The following NELL1 variants were observed in gnomAD, a reference collection of about 807,000 sequenced individuals.
NELL1 encodes the protein neural EGFL like 1.
A neutral mutation model predicts 107.4 loss-of-function variants in NELL1; 76 were observed. That is an observed-to-expected ratio of 0.71 (90% CI 0.59 to 0.86). The LOEUF (loss-of-function observed/expected upper bound fraction) is 0.86. NELL1 is among the 40% of genes least tolerant of loss of function. The pLI, the probability that NELL1 is intolerant of heterozygous loss-of-function variation, is 0.00. For missense variants in NELL1, 1,024 were observed against 1,005.5 expected, an observed-to-expected ratio of 1.02 and a Z score of -0.25; for synonymous variants, 353 against 341.2, an observed-to-expected ratio of 1.03 and a Z score of -0.38.
chr11:21,244,374 T>C (rs573890501), intron 14 of NELL1, among the ~76,000 whole-genome samples: 2 of 152,108 alleles, frequency 1.3e-5, no homozygotes, highest in African/African-American at 4.8e-5. Context: ...GAAGAGCCCA[T>C]GCATTCTTGA....
intron 17 of NELL1, among the ~76,000 whole-genome samples, chr11:21,570,371 G>T (rs1459735064): frequency 6.6e-6 from 1 of 151,790 alleles, no homozygotes; most frequent in African/African-American, 2.4e-5. Context: ...ATAGTTAGAT[G>T]AATGTATTTG....
chr11:21,514,466 A>G (rs936403398), intron 15 of NELL1, among the ~76,000 whole-genome samples: 2 of 152,346 alleles, frequency 1.3e-5, no homozygotes, highest in Admixed American at 1.3e-4. Flanking sequence ...TGAGCCAGAT[A>G]TGGACTGCTC....
intron 10 of NELL1, among the ~76,000 whole-genome samples, chr11:20,940,059 G>A (rs891245779): frequency 1.3e-5 from 2 of 152,100 alleles, no homozygotes; most frequent in African/African-American, 4.8e-5. Flanking sequence ...GCTTGACATG[G>A]CTGGCTATCA....
chr11:20,692,528 T>G (rs1190406991), intron 2 of NELL1, among the ~76,000 whole-genome samples: 5 of 151,198 alleles, frequency 3.3e-5, no homozygotes, highest in Non-Finnish European at 7.4e-5. Flanking sequence ...TATTTCTGCC[T>G]TCATTTCCTT....
chr11:21,556,699 A>C (rs1856718846), intron 16 of NELL1, among the ~76,000 whole-genome samples: 1 of 151,994 alleles, frequency 6.6e-6, no homozygotes, highest in Non-Finnish European at 1.5e-5. Flanking sequence ...AGAAATTGTG[A>C]AAATGTTAAT....
chr11:20,818,859 A>C (rs570618548), intron 3 of NELL1, among the ~76,000 whole-genome samples: 1 of 152,238 alleles, frequency 6.6e-6, no homozygotes, highest in Non-Finnish European at 1.5e-5. Context: ...AGCTCTTCAA[A>C]TCATGTCATA....
intron 14 of NELL1, among the ~76,000 whole-genome samples, chr11:21,277,691 C>G (rs184923956): frequency 4.6e-5 from 7 of 152,258 alleles, no homozygotes; most frequent in African/African-American, 1.7e-4. Flanking sequence ...AAATGTGGCA[C>G]GTATATACCA....
At chr11:21,385,004 G>A (rs772108164) in intron 15 of NELL1, among the ~76,000 whole-genome samples, 2 of 151,634 alleles carry the variant, frequency 1.3e-5, no homozygotes, top group Non-Finnish European at 2.9e-5. Context: ...TGTTTGCTTG[G>A]AATGTTCTTC....
chr11:21,171,375 T>G (rs2133812701), intron 13 of NELL1, among the ~76,000 whole-genome samples: 1 of 152,012 alleles, frequency 6.6e-6, no homozygotes, highest in Non-Finnish European at 1.5e-5. Flanking sequence ...AAATAATAAT[T>G]GTTAACATTT....
chr11:21,545,420 G>C (rs542427197), intron 16 of NELL1, among the ~76,000 whole-genome samples: 1 of 152,076 alleles, frequency 6.6e-6, no homozygotes, highest in South Asian at 2.1e-4. Context: ...GAAGACATGG[G>C]TTGGGGACTT....
At chr11:20,751,055 G>A (rs188638876) in intron 2 of NELL1, among the ~76,000 whole-genome samples, 5,229 of 152,038 alleles carry the variant, frequency 0.034, 290 homozygotes, top group African/African-American at 0.12. Context: ...GTGTGTGTGT[G>A]TATATATGAA....
Position 21,169,874 on chromosome 11 carries a change from C to A in NELL1, c.1426+56160C>A. 6 of 1,416,906 alleles carry A rather than the reference C, an allele frequency of 4.2e-6. No individual in the cohort carries two copies. The South Asian group carries it at 7.0e-5, about 17-fold the overall frequency. 87.8% of individuals were successfully genotyped at this position (1,416,906 alleles called of 1,614,324 possible). On this transcript the variant is annotated intron_variant, in intron 13 of 19. Coordinates refer to ENST00000357134, the MANE Select transcript of NELL1 (RefSeq NM_006157.5). The stretch of plus-strand genomic sequence containing the variant: ...GTCCCCCCAGGAAGAGTTGCCATGT[C>A]ACCCAGCACTGGCAGATGTCCCCAG...
At chr11:21,286,183 G>T (rs2133953542) in intron 14 of NELL1, among the ~76,000 whole-genome samples, 1 of 152,274 alleles carries the variant, frequency 6.6e-6, no homozygotes, top group South Asian at 2.1e-4. Flanking sequence ...TCCTAATTGG[G>T]CATAAAGTCA....
intron 12 of NELL1, among the ~76,000 whole-genome samples, chr11:21,088,966 G>C (rs1055249921): frequency 2.0e-5 from 3 of 152,132 alleles, no homozygotes; most frequent in South Asian, 4.1e-4. Flanking sequence ...TTTAAGAGAG[G>C]CTAGTCAATA....
At chr11:21,522,507 A>G (rs572369030) in intron 15 of NELL1, among the ~76,000 whole-genome samples, 1 of 152,334 alleles carries the variant, frequency 6.6e-6, no homozygotes, top group South Asian at 2.1e-4. Flanking sequence ...TGGGAGCTAA[A>G]TAATGTGTAC....
chr11:21,387,066 C>A (rs1295289126), intron 15 of NELL1, among the ~76,000 whole-genome samples: 1 of 151,836 alleles, frequency 6.6e-6, no homozygotes, highest in African/African-American at 2.4e-5. Context: ...TTCCCCCGAC[C>A]ATGTTTTAAA....
chr11:21,285,328 C>G (rs1849091428), intron 14 of NELL1, among the ~76,000 whole-genome samples: 1 of 152,166 alleles, frequency 6.6e-6, no homozygotes, highest in Non-Finnish European at 1.5e-5. Context: ...TTCTCTTTAT[C>G]TTGGTCATTA....
chr11:21,490,721 T>C (rs1439370614), intron 15 of NELL1, among the ~76,000 whole-genome samples: 1 of 152,110 alleles, frequency 6.6e-6, no homozygotes, highest in Non-Finnish European at 1.5e-5. Context: ...CCTCAATAAA[T>C]GGTGCTGGGA....
chr11:21,172,667 A>G (rs1856631947), intron 13 of NELL1, among the ~76,000 whole-genome samples: 2 of 151,694 alleles, frequency 1.3e-5, no homozygotes, highest in Non-Finnish European at 2.9e-5. Flanking sequence ...TTCAACAATG[A>G]TACTTCTACA....
Sources: gnomAD v4.1 joint callset for allele counts (sites outside exome capture counted in the v4.1 genomes callset) on GRCh38, gnomAD v4.1.1 for gene constraint, MANE v1.5 for transcripts, NCBI Gene and HGNC (gene_info 2026-07-23, HGNC 2026-07-21) for gene names.